ISM1: variants seen among roughly 807,000 people sequenced by gnomAD.
ISM1 encodes the protein isthmin 1.
Under a neutral mutation model 46.3 loss-of-function variants are expected in ISM1, and 25 were observed. The observed-to-expected ratio is 0.54, with a 90% confidence interval of 0.39 to 0.75. ISM1 has a LOEUF of 0.75. Ranked by LOEUF, ISM1 falls within the 30% of genes least tolerant of loss-of-function variation. The pLI, the probability that ISM1 is intolerant of heterozygous loss-of-function variation, is 0.00. For synonymous variants in ISM1, 255 were observed against 256.7 expected, an observed-to-expected ratio of 0.99 and a Z score of 0.06; for missense variants, 536 against 625.4, an observed-to-expected ratio of 0.86 and a Z score of 1.52.
At chr20:13,262,216 C>CT (rs1451262319) in intron 1 of ISM1, among the ~76,000 whole-genome samples, 3 of 152,150 alleles carry the variant, frequency 2.0e-5, no homozygotes, top group Non-Finnish European at 4.4e-5. Flanking sequence ...TGGCTGAACT[C>CT]TAACAGGGCT....
chr20:13,294,674 C>G (rs1000007799), intron 5 of ISM1, among the ~76,000 whole-genome samples: 3 of 152,128 alleles, frequency 2.0e-5, no homozygotes, highest in Admixed American at 6.5e-5. Flanking sequence ...AAGGTACAAG[C>G]AGAGTGGAAG....
At chr20:13,224,671 T>C (rs1409363196) in intron 1 of ISM1, among the ~76,000 whole-genome samples, 1 of 145,650 alleles carries the variant, frequency 6.9e-6, no homozygotes, top group Non-Finnish European at 1.5e-5. Context: ...TTTACCTGAA[T>C]TGTAGTATGT....
chr20:13,249,923 C>A (rs1271622534), intron 1 of ISM1, among the ~76,000 whole-genome samples: 2 of 152,104 alleles, frequency 1.3e-5, no homozygotes, highest in Non-Finnish European at 2.9e-5. Context: ...TTGCTGGGGC[C>A]TTCCAGAAAA....
At chr20:13,252,298 C>G (rs2039876623) in intron 1 of ISM1, among the ~76,000 whole-genome samples, 1 of 152,182 alleles carries the variant, frequency 6.6e-6, no homozygotes, top group South Asian at 2.1e-4. Flanking sequence ...TGTGTACATG[C>G]TGGGAACAAT....
chr20:13,286,858 C>G (rs1370887120), intron 3 of ISM1, among the ~76,000 whole-genome samples: 3 of 152,236 alleles, frequency 2.0e-5, no homozygotes, highest in African/African-American at 7.2e-5. Context: ...CTGTTATGAA[C>G]AGAGGGTACT....
chr20:13,295,634 G>A (rs1182372579), intron 5 of ISM1, among the ~76,000 whole-genome samples: 1 of 152,172 alleles, frequency 6.6e-6, no homozygotes. Context: ...AAACACCCAG[G>A]AAAGATAAAG....
the ISM1 span, among the ~76,000 whole-genome samples, chr20:13,313,617 C>G: frequency 6.6e-6 from 1 of 152,234 alleles, no homozygotes; most frequent in South Asian, 2.1e-4. Context: ...CAATTAAACT[C>G]TGCTAAATTT....
chr20:13,303,224 C>G (rs567275592), downstream of ISM1, among the ~76,000 whole-genome samples: 5 of 152,336 alleles, frequency 3.3e-5, no homozygotes, highest in East Asian at 7.7e-4. Flanking sequence ...CTGTGCTCTC[C>G]TCTCCTCCTA....
chr20:13,306,390 G>A, the ISM1 span, among the ~76,000 whole-genome samples: 2 of 151,966 alleles, frequency 1.3e-5, no homozygotes, highest in African/African-American at 4.8e-5. Context: ...GGGAATGTTA[G>A]CAAATTTTAA....
chr20:13,300,775 G>A (rs2040451271), downstream of ISM1: 1 of 152,232 alleles, frequency 6.6e-6, no homozygotes, highest in Non-Finnish European at 1.5e-5. Context: ...TGATTGACAT[G>A]ATTGTGGGTG....
chr20:13,240,474 C>T (rs1224369964), intron 1 of ISM1, among the ~76,000 whole-genome samples: 1 of 152,176 alleles, frequency 6.6e-6, no homozygotes, highest in Non-Finnish European at 1.5e-5. Context: ...GAATCACAAA[C>T]ACCAAAGCCT....
At chr20:13,225,748 T>G (rs1424921505) in intron 1 of ISM1, among the ~76,000 whole-genome samples, 2 of 152,242 alleles carry the variant, frequency 1.3e-5, no homozygotes, top group Non-Finnish European at 2.9e-5. Context: ...TTAAAATGCA[T>G]GGAAACATCA....
chr20:13,277,329 A>T (rs766356949), intron 2 of ISM1, among the ~76,000 whole-genome samples: 36 of 152,174 alleles, frequency 2.4e-4, no homozygotes, highest in Non-Finnish European at 4.3e-4. Flanking sequence ...TTTCATTACC[A>T]TAATTGTGGG....
At chr20:13,293,508 T>C (rs1358892359) in intron 5 of ISM1, among the ~76,000 whole-genome samples, 2 of 152,128 alleles carry the variant, frequency 1.3e-5, no homozygotes, top group Non-Finnish European at 2.9e-5. Flanking sequence ...TGAGTCTTTT[T>C]TTTTTTCATA....
intron 1 of ISM1, among the ~76,000 whole-genome samples, chr20:13,247,517 G>GGGGTGTGTGTGTGTGTGT (rs1183213178): frequency 1.2e-4 from 17 of 139,912 alleles, no homozygotes; most frequent in African/African-American, 4.3e-4. Context: ...CAAAGTGAGG[G>GGGGTGTGTGTGTGTGTGT]GTGTGTGTGT....
intron 1 of ISM1, among the ~76,000 whole-genome samples, chr20:13,248,529 G>A (rs1386488538): frequency 1.3e-5 from 2 of 152,172 alleles, no homozygotes; most frequent in Admixed American, 6.5e-5. Flanking sequence ...CCCAGCAAGT[G>A]ATTTCATAAT....
At chr20:13,269,956 G>GATGGATGGATGGATGGATGT (rs2040092748) in intron 1 of ISM1, among the ~76,000 whole-genome samples, 1 of 152,098 alleles carries the variant, frequency 6.6e-6, no homozygotes, top group Non-Finnish European at 1.5e-5. Flanking sequence ...TGGATGGATG[G>GATGGATGGATGGATGGATGT]ATGGATGGAT....
intron 1 of ISM1, among the ~76,000 whole-genome samples, chr20:13,247,594 T>G (rs550026207): frequency 6.7e-6 from 1 of 149,770 alleles, no homozygotes; most frequent in East Asian, 2.0e-4. Flanking sequence ...AAGAGAGACT[T>G]TAGCATGAGG....
the ISM1 span, among the ~76,000 whole-genome samples, chr20:13,316,924 G>A: frequency 6.6e-6 from 1 of 151,514 alleles, no homozygotes; most frequent in South Asian, 2.1e-4. Flanking sequence ...CATACTACAA[G>A]TCCTATCTAA....
Sources: allele counts gnomAD v4.1 joint callset (sites outside exome capture counted in the v4.1 genomes callset), GRCh38; gene constraint gnomAD v4.1.1; transcripts MANE v1.5; gene names NCBI Gene and HGNC (gene_info 2026-07-23, HGNC 2026-07-21).